TRHDE: variants seen among roughly 807,000 people sequenced by gnomAD.
The protein encoded by TRHDE is thyrotropin-releasing hormone-degrading ectoenzyme.
A neutral mutation model predicts 125.7 loss-of-function variants in TRHDE; 72 were observed. The ratio of observed to expected loss-of-function variants is 0.57; its 90% CI spans 0.47 to 0.70. The LOEUF is 0.70. Ranked by LOEUF, TRHDE falls within the 30% of genes least tolerant of loss-of-function variation. TRHDE has a pLI of 0.00. For synonymous variants in TRHDE, 509 were observed against 509.1 expected, an observed-to-expected ratio of 1.00 and a Z score of 0.00; for missense variants, 1,110 against 1,327.1, an observed-to-expected ratio of 0.84 and a Z score of 2.54.
intron 2 of TRHDE, among the ~76,000 whole-genome samples, chr12:72,137,058 C>T (rs988510483): frequency 6.6e-6 from 1 of 152,204 alleles, no homozygotes; most frequent in African/African-American, 2.4e-5. Context: ...CATTTCCTCT[C>T]TGGGAACGGT....
At position 72,116,293 on chromosome 12, in the gene TRHDE, C is replaced by T. The variant is rs2139298392; in HGVS notation, n.279+10541C>T. 2.0e-5 allele frequency among the ~76,000 whole-genome samples: 3 copies of T among 152,198 alleles called. 1 individual carries two copies. Among genetic ancestry groups the T allele is most frequent in the Admixed American group, 2.0e-4 (3 of 15,280 alleles). The stretch of plus-strand genomic sequence containing the variant: ...CATTTGGGTTGGTTCCAAGTCTTTG[C>T]TATTATAAATAGTGCTAAAATAAAC... On this transcript the variant is annotated intron_variant and non_coding_transcript_variant, in intron 2 of 4. Coordinates refer to the TRHDE transcript ENST00000548156.
intron 1 of TRHDE, among the ~76,000 whole-genome samples, chr12:72,096,901 C>T (rs577353428): frequency 6.6e-6 from 1 of 152,198 alleles, no homozygotes; most frequent in Non-Finnish European, 1.5e-5. Flanking sequence ...AAAATACAGT[C>T]AATAACTTCT....
At chr12:72,242,932 G>A (rs1878511045) in intron 2 of TRHDE, among the ~76,000 whole-genome samples, 1 of 152,174 alleles carries the variant, frequency 6.6e-6, no homozygotes, top group African/African-American at 2.4e-5. Flanking sequence ...CTCAACTCTG[G>A]TTAAAGAGAT....
chr12:72,629,964 T>C (rs1364229833), intron 15 of TRHDE, among the ~76,000 whole-genome samples: 3 of 151,168 alleles, frequency 2.0e-5, no homozygotes, highest in African/African-American at 7.3e-5. Flanking sequence ...GGTAACAATT[T>C]AACATTGTGA....
intron 2 of TRHDE, among the ~76,000 whole-genome samples, chr12:72,251,464 C>A (rs1040830619): frequency 6.8e-6 from 1 of 147,074 alleles, no homozygotes; most frequent in Non-Finnish European, 1.5e-5. Flanking sequence ...CCTGGAGATG[C>A]ATCCAAGTTA....
intron 2 of TRHDE, chr12:72,262,750 C>T (rs904992379): frequency 1.3e-5 from 2 of 152,072 alleles, no homozygotes; most frequent in African/African-American, 4.8e-5. Flanking sequence ...CTTTAAATAG[C>T]TTTGATTTTC....
At chr12:72,363,155 C>A (rs1014514667) in intron 2 of TRHDE, among the ~76,000 whole-genome samples, 10 of 151,772 alleles carry the variant, frequency 6.6e-5, no homozygotes, top group African/African-American at 2.4e-4. Context: ...TTATCTTGGG[C>A]AGTATGGATG....
At chr12:72,589,766 C>G (rs1475595980) in intron 12 of TRHDE, among the ~76,000 whole-genome samples, 4 of 152,004 alleles carry the variant, frequency 2.6e-5, no homozygotes, top group Non-Finnish European at 5.9e-5. Flanking sequence ...TCTCTTATTA[C>G]AGACATTGAT....
At chr12:72,631,445 G>A (rs993115069) in intron 15 of TRHDE, among the ~76,000 whole-genome samples, 1 of 151,730 alleles carries the variant, frequency 6.6e-6, no homozygotes, top group African/African-American at 2.4e-5. Context: ...CTATTTAAGT[G>A]AGTATCCTTT....
intron 10 of TRHDE, among the ~76,000 whole-genome samples, chr12:72,573,685 A>G (rs1870852613): frequency 1.3e-5 from 2 of 151,974 alleles, no homozygotes; most frequent in South Asian, 4.1e-4. Flanking sequence ...TAGTACTCTA[A>G]TTCTTTTTCC....
At chr12:72,288,224 A>G (rs955985597) in intron 2 of TRHDE, among the ~76,000 whole-genome samples, 1 of 152,160 alleles carries the variant, frequency 6.6e-6, no homozygotes, top group Non-Finnish European at 1.5e-5. Context: ...AGAAATCTAT[A>G]TTTTTAATTT....
At chr12:72,255,483 C>G (rs551019729) in intron 2 of TRHDE, 1 of 152,214 alleles carries the variant, frequency 6.6e-6, no homozygotes, top group Non-Finnish European at 1.5e-5. Context: ...AAAGCTGCCT[C>G]GAGCAGATGG....
At chr12:72,503,525 A>G (rs75647349) in intron 6 of TRHDE, among the ~76,000 whole-genome samples, 4,692 of 152,308 alleles carry the variant, frequency 0.031, 103 homozygotes, top group Non-Finnish European at 0.044. Flanking sequence ...TTATCCAGCA[A>G]TATTTCCATA....
At chr12:72,087,962 A>G (rs557428107) in intron 1 of TRHDE, among the ~76,000 whole-genome samples, 72 of 152,162 alleles carry the variant, frequency 4.7e-4, no homozygotes, top group Admixed American at 1.2e-3. Flanking sequence ...AATGGAGAAA[A>G]AAGTGAAGTC....
chr12:72,330,773 C>G (rs945889999), intron 2 of TRHDE, among the ~76,000 whole-genome samples: 2 of 152,104 alleles, frequency 1.3e-5, no homozygotes, highest in Non-Finnish European at 2.9e-5. Flanking sequence ...AGTGGGTAGT[C>G]CCTCCTGTGC....
intron 3 of TRHDE, among the ~76,000 whole-genome samples, chr12:72,467,589 G>A (rs1235825800): frequency 6.6e-6 from 1 of 152,126 alleles, no homozygotes; most frequent in Non-Finnish European, 1.5e-5. Context: ...GGCCGAGGTG[G>A]GTGGATCACG....
intron 3 of TRHDE, among the ~76,000 whole-genome samples, chr12:72,436,542 A>C (rs1033552489): frequency 6.6e-6 from 1 of 151,900 alleles, no homozygotes; most frequent in Non-Finnish European, 1.5e-5. Context: ...TTGTTTATTC[A>C]AGTGTACCCC....
chr12:72,474,121 A>G (rs1876778974), intron 5 of TRHDE, among the ~76,000 whole-genome samples: 1 of 152,068 alleles, frequency 6.6e-6, no homozygotes, highest in African/African-American at 2.4e-5. Flanking sequence ...GGCAAGATTG[A>G]CATACAAAAT....
chr12:72,464,128 A>G (rs962578603), intron 3 of TRHDE, among the ~76,000 whole-genome samples: 2 of 152,222 alleles, frequency 1.3e-5, no homozygotes, highest in Non-Finnish European at 2.9e-5. Context: ...CTGGGGGCCT[A>G]TCAAATGGCA....
Sources: gnomAD v4.1 joint callset for allele counts (sites outside exome capture counted in the v4.1 genomes callset) on GRCh38, gnomAD v4.1.1 for gene constraint, MANE v1.5 for transcripts, NCBI Gene and HGNC (gene_info 2026-07-23, HGNC 2026-07-21) for gene names.